PKD1: variants seen among roughly 807,000 people sequenced by gnomAD.
The protein encoded by PKD1 is polycystin 1, transient receptor potential channel interacting.
In PKD1, 81 loss-of-function variants were observed where a neutral mutation model predicts 361.7. That is an observed-to-expected ratio of 0.22 (90% CI 0.19 to 0.27). PKD1 has a LOEUF of 0.27. PKD1 is among the 10% of genes least tolerant of loss of function. PKD1 has a pLI of 1.00. For synonymous variants in PKD1, 3,615 were observed against 2,818.3 expected (o/e 1.28, Z -8.95); for missense variants, 6,399 against 6,118.3 (o/e 1.05, Z -1.53).
At position 2,115,975 on chromosome 16, in the gene PKD1, A is replaced by G. The variant is rs1433779000; in HGVS notation, c.1849+17T>C. On this transcript the variant is annotated intron_variant, in intron 9 of 45. Transcript: ENST00000262304. Reference sequence around the variant, plus strand: ...CTGCGGCGCCCACCACCCACCACCCACCACCCAGAGTCCCACCTGCTGTGC... The same window carrying G: ...CTGCGGCGCCCACCACCCACCACCCGCCACCCAGAGTCCCACCTGCTGTGC... The G allele has an allele frequency of 9.0e-6, 8 of 887,770 alleles. No individual in the cohort carries two copies. In the Admixed American group the frequency reaches 2.0e-4, roughly 22 times the overall value. 55.0% of individuals were successfully genotyped at this position (887,770 alleles called of 1,614,324 possible).
chr16:2,092,627 C>A (rs375435719), intron 38 of PKD1, 35 bp from the exon 39 acceptor site: 3 of 1,430,200 alleles, frequency 2.1e-6, no homozygotes, highest in Non-Finnish European at 2.9e-6. Flanking sequence ...CCAGCCCCTA[C>A]TGCCCCATGC....
chr16:2,109,229 A>G lies in PKD1; in HGVS notation c.5938T>C (p.Cys1980Arg), dbSNP rs766942653. ...GTGCCCGTGGCGATGCCAGGCTCGC[A>G]GCAGTTGGGCACCTGCAGCCCACTC... ...AVSGLQVPNC[C>R]EPGIATGTER... Residue 1980 changes from cysteine (C) to arginine (R), a missense_variant, in exon 15 of 46, where the codon TGC (cysteine) becomes CGC (arginine). Coordinates refer to ENST00000262304, the MANE Select transcript of PKD1 (RefSeq NM_001009944.3). 8 of 1,591,100 alleles carry G rather than the reference A, an allele frequency of 5.0e-6. No homozygotes were observed. The African/African-American group carries it at 6.7e-5, about 13-fold the overall frequency.
At position 2,120,532 on chromosome 16, in the gene PKD1, T is replaced by C. The variant is rs200381337; in HGVS notation, c.216-1154A>G. On this transcript the variant is annotated intron_variant, in intron 1 of 45. Transcript: ENST00000262304. ...GGATGGACAGCATAGCAAGACCCCA[T>C]CTCTACAAGGAAAAAAAGAATCAGC... 1.2e-4 allele frequency among the ~76,000 whole-genome samples: 19 copies of C among 152,028 alleles called. No individual in the cohort carries two copies. In the East Asian group the frequency reaches 2.9e-3, roughly 23 times the overall value.
Position 2,106,920 on chromosome 16 carries a change from A to G in PKD1, c.7094T>C (p.Ile2365Thr), listed in dbSNP as rs773151007. 4.4e-6 allele frequency: 7 copies of G among 1,576,666 alleles called. No individual in the cohort carries two copies. Among genetic ancestry groups the G allele is most frequent in the South Asian group, 1.1e-5 (1 of 90,698 alleles). ...TVLIRSGRVP[I>T]VSLECVSCKA... Reference sequence around the variant, plus strand: ...GCAGGACACACACTCCAAGGACACAATGGGCACCCGGCCACTCCGGATCAG... The same window carrying G: ...GCAGGACACACACTCCAAGGACACAGTGGGCACCCGGCCACTCCGGATCAG... Residue 2365 changes from isoleucine (I) to threonine (T), a missense_variant, in exon 17 of 46, where the codon ATT becomes ACT. Physicochemically the swap from Ile to Thr is moderately conservative, Grantham distance 89. Coordinates refer to ENST00000262304, the MANE Select transcript of PKD1 (RefSeq NM_001009944.3). This position sits in a 1 kb window ranked among gnomAD's most constrained non-coding sequence, Gnocchi z 6.5.
In PKD1 at chr16:2,089,996, G is replaced by T; in HGVS notation, c.12643C>A (p.Leu4215Ile). 6.2e-7 allele frequency: 1 copy of T among 1,610,538 alleles called. No individual in the cohort carries two copies. The highest frequency in any genetic ancestry group is 8.5e-7 in the Non-Finnish European group (1 of 1,179,204). ...GTRCEPEPSR[L>I]QAVFEALLTQ... ...AGCAGGGCCTCGAACACGGCTTGGA[G>T]GCGGGAGGGCTCAGGCTCACACCTT... The change falls in exon 46 of 46, where the codon CTC becomes ATC. Residue 4215 changes from leucine (L) to isoleucine (I), a missense_variant. Physicochemically the swap from Leu to Ile is conservative, Grantham distance 5. Transcript: ENST00000262304.
intron 33 of PKD1, 35 bp downstream of exon 33, chr16:2,097,284 G>GA: frequency 6.2e-7 from 1 of 1,609,688 alleles, no homozygotes; most frequent in Non-Finnish European, 8.5e-7. Flanking sequence ...CTGCAAGGGT[G>GA]AGCTTCAGAG....
rs749046847 is a variant in PKD1 at position 2,102,501 on chromosome 16, T to C, written c.9081A>G (p.Thr3027=). The C allele has an allele frequency of 6.3e-7, 1 of 1,589,090 alleles. No individual in the cohort carries two copies. The highest frequency in any genetic ancestry group is 1.1e-5 in the South Asian group (1 of 88,500). The change falls in exon 25 of 46, where the codon ACA becomes ACG. Residue 3027 remains threonine, a synonymous_variant. Coordinates refer to ENST00000262304, the MANE Select transcript of PKD1 (RefSeq NM_001009944.3). ...TCTCCTCCAGGGGCAGCAGCCCCTC[T>C]GTCCGCCACACCATGTCCTCCTCGC... ...YFSEEDMVWR[T]EGLLPLEETS...
chr16:2,097,370 C>T lies in PKD1; in HGVS notation c.10354G>A (p.Gly3452Ser), dbSNP rs372470924. The T allele has an allele frequency of 1.2e-5, 20 of 1,611,800 alleles. No homozygotes were observed. In the African/African-American group the frequency reaches 1.6e-4, roughly 13 times the overall value. ...GAGTAGGGGCTGGCCAGGGAGAAGC[C>T]GTCCTCCTCTGGGCCCAGCCCATGG... The part of the protein sequence containing the change: ...AGHGLGPEED[G>S]FSLASPYSPA... The change falls in exon 33 of 46, where the codon GGC (glycine) becomes AGC (serine). Residue 3452 changes from glycine to serine, a missense_variant. By Grantham distance (56) the Gly-to-Ser change is moderately conservative. Transcript: ENST00000262304.
In PKD1 at chr16:2,109,073, C is replaced by A; in HGVS notation, c.6094G>T (p.Ala2032Ser). Residue 2032 changes from alanine (A) to serine (S), a missense_variant, in exon 15 of 46, where the codon GCC becomes TCC. Physicochemically the swap from Ala to Ser is moderately conservative, Grantham distance 99. Transcript: ENST00000262304. ...ACCTGGATCTCCAACAGCCCCGCGG[C>A]CACGGGCGTGTAGGTGACGTCGCGG... is the stretch of plus-strand genomic sequence containing the variant. The part of the protein sequence containing the change: ...SGRDVTYTPV[A>S]AGLLEIQVRA... 6.2e-7 allele frequency: 1 copy of A among 1,605,538 alleles called. No homozygotes were observed.
Position 2,094,174 on chromosome 16 carries a change from C to A in PKD1, c.10536G>T (p.Ala3512=). ...STPGEKTETL[A]LQRLGELGPP... is the part of the protein sequence containing the mutation. ...GCCCCAGCTCCCCCAGCCTCTGCAG[C>A]GCCAGCGTCTCTGTCTTCTCCCCAG... The change falls in exon 35 of 46, where the codon GCG becomes GCT. Residue 3512 remains alanine, a synonymous_variant. Coordinates refer to ENST00000262304, the MANE Select transcript of PKD1 (RefSeq NM_001009944.3). 1 of 1,605,882 alleles carries A rather than the reference C, an allele frequency of 6.2e-7. No homozygotes were observed. The highest frequency in any genetic ancestry group is 1.1e-5 in the South Asian group (1 of 89,894).
rs1354266181 is a variant in PKD1 at position 2,114,525 on chromosome 16, T to C, written c.2498A>G (p.Asp833Gly). ...GTTGGTGGGCACGTAGAGGCGGCCG[T>C]CGCGGGGGGCAGGGTAGATGACCCG... ...GLRVIYPAPR[D>G]GRLYVPTNGS... Residue 833 changes from aspartate (D) to glycine (G), a missense_variant, in exon 11 of 46, where the codon GAC (aspartate) becomes GGC (glycine). By Grantham distance (94) the Asp-to-Gly change is moderately conservative. Coordinates refer to ENST00000262304, the MANE Select transcript of PKD1 (RefSeq NM_001009944.3). The C allele has an allele frequency of 1.3e-5, 20 of 1,594,034 alleles. No individual in the cohort carries two copies. The highest frequency in any genetic ancestry group is 1.6e-5 in the Non-Finnish European group (19 of 1,178,916).
intron 23 of PKD1, 27 bp downstream of exon 23, chr16:2,103,239 C>A (rs183530437): frequency 1.2e-6 from 2 of 1,606,314 alleles, no homozygotes; most frequent in Non-Finnish European, 8.5e-7. Flanking sequence ...GCCAGGGGGC[C>A]GCGTGTGCCC....
chr16:2,125,246 G>A (rs2092781361), intron 1 of PKD1, among the ~76,000 whole-genome samples: 1 of 152,344 alleles, frequency 6.6e-6, no homozygotes, highest in African/African-American at 2.4e-5. Flanking sequence ...GCAGATGGCT[G>A]CTGGCTCCGC....
rs1252738717 is a variant in PKD1, at chr16:2,113,078, G to A, written c.2985+83C>T. ...CAGCGTCCTCGGGCAGCATGAAGCA[G>A]AGCAGAAGGCAGAGGTGAAGGTGGA... On this transcript the variant is annotated intron_variant, in intron 12 of 45. Transcript: ENST00000262304. 1.9e-5 allele frequency: 23 copies of A among 1,204,002 alleles called. No homozygotes were observed. The South Asian group carries it at 2.4e-4, about 12-fold the overall frequency. 74.6% of individuals were successfully genotyped at this position (1,204,002 alleles called of 1,614,324 possible).
Position 2,091,913 on chromosome 16 carries a change from G to T in PKD1, c.11412-7C>A, listed in dbSNP as rs553377243. On this transcript the variant is annotated splice_polypyrimidine_tract_variant and splice_region_variant and intron_variant, in intron 40 of 45. Coordinates refer to ENST00000262304, the MANE Select transcript of PKD1 (RefSeq NM_001009944.3). ...GGAGCCCCAGGACCATGCCCTGCCG[G>T]AGAGGGGTGGCGTGGGTGCCGCACC... is the stretch of plus-strand genomic sequence containing the variant. 6 of 1,611,514 alleles carry T rather than the reference G, an allele frequency of 3.7e-6. No homozygotes were observed. In the African/African-American group the frequency reaches 6.7e-5, roughly 18 times the overall value.
intron 6 of PKD1, 28 bp from the exon 7 acceptor site, chr16:2,117,081 G>A (rs1396174989): frequency 2.6e-5 from 30 of 1,175,874 alleles, no homozygotes; most frequent in Non-Finnish European, 2.8e-5. Context: ...ATGGCAGGGG[G>A]CTCAGGGCAC....
In PKD1 at chr16:2,115,511, G is replaced by T. The variant is rs758548334; in HGVS notation, c.1964C>A (p.Pro655Gln). Residue 655 changes from proline to glutamine, a missense_variant, in exon 10 of 46, where the codon CCG becomes CAG. Physicochemically the swap from Pro to Gln is moderately conservative, Grantham distance 76. Coordinates refer to ENST00000262304, the MANE Select transcript of PKD1 (RefSeq NM_001009944.3). ...CTGGGGGTGGCAGGAGGCGTCCAGCGGCAAGCAGATGTTGGCTCCAGGGCA... is the reference window on the plus strand; with the variant it reads ...CTGGGGGTGGCAGGAGGCGTCCAGCTGCAAGCAGATGTTGGCTCCAGGGCA... Reference protein sequence around the residue: ...RWCPGANICLPLDASCHPQAC... With the variant: ...RWCPGANICLQLDASCHPQAC... 6.3e-7 allele frequency: 1 copy of T among 1,599,228 alleles called. No individual in the cohort carries two copies. Among genetic ancestry groups the T allele is most frequent in the Non-Finnish European group, 8.5e-7 (1 of 1,173,710 alleles).
In PKD1 at chr16:2,090,945, G is replaced by A. The variant is rs1424119004; in HGVS notation, c.11942C>T (p.Ala3981Val). ...PRRFTSFDQV[A>V]QLSSAARGLA... ...GCCACGGGCTGCGGAGCTCAGCTGC[G>A]CCACCTGGTCGAAGCTAGTGAAGCG... Residue 3981 changes from alanine to valine, a missense_variant, in exon 43 of 46, where the codon GCG becomes GTG. Physicochemically the swap from Ala to Val is moderately conservative, Grantham distance 64 (BLOSUM62 0). Coordinates refer to ENST00000262304, the MANE Select transcript of PKD1 (RefSeq NM_001009944.3). 8.9e-6 allele frequency: 14 copies of A among 1,567,718 alleles called. No homozygotes were observed. The highest frequency in any genetic ancestry group is 2.3e-5 in the East Asian group (1 of 43,138).
chr16:2,092,880 G>A (rs1272858174), intron 38 of PKD1, 74 bp downstream of exon 38: 1 of 1,551,758 alleles, frequency 6.4e-7, no homozygotes, highest in Non-Finnish European at 8.9e-7. Flanking sequence ...ATGTCCACAT[G>A]TCCCCTAGGG....
Sources: allele counts gnomAD v4.1 joint callset (sites outside exome capture counted in the v4.1 genomes callset), GRCh38; gene constraint gnomAD v4.1.1; non-coding constraint Gnocchi (gnomAD v3.1); transcripts MANE v1.5; gene names NCBI Gene and HGNC (gene_info 2026-07-23, HGNC 2026-07-21).